Variants in NPEPPS observed in about 807,000 individuals in gnomAD.
NPEPPS encodes puromycin-sensitive aminopeptidase.
Under a neutral mutation model 115.5 loss-of-function variants are expected in NPEPPS, and 14 were observed. The ratio of observed to expected loss-of-function variants is 0.12; its 90% CI spans 0.08 to 0.19. The LOEUF (loss-of-function observed/expected upper bound fraction) is 0.19, where lower values mean the gene tolerates loss of function less well. NPEPPS is among the 10% of genes least tolerant of loss of function. The probability of loss-of-function intolerance (pLI) is 1.00; values close to 1 mark genes in which losing one functional copy is unlikely to be tolerated. For missense variants in NPEPPS, 523 were observed against 1,110.8 expected, an observed-to-expected ratio of 0.47 and a Z score of 7.52; for synonymous variants, 285 against 390.6, an observed-to-expected ratio of 0.73 and a Z score of 3.19.
chr17:47,542,180 C>T (rs1261057251), intron 1 of NPEPPS, among the ~76,000 whole-genome samples: 1 of 152,068 alleles, frequency 6.6e-6, no homozygotes, highest in Non-Finnish European at 1.5e-5. Context: ...TTTCTGAAAA[C>T]TTGAATTAGT....
At position 47,599,752 on chromosome 17, in the gene NPEPPS, CTG is replaced by C. The variant is rs1257154461; in HGVS notation, c.1600+15_1600+16del. 2.6e-6 allele frequency: 4 copies of C among 1,547,848 alleles called. No individual in the cohort carries two copies. The South Asian group carries it at 4.7e-5, about 18-fold the overall frequency. ...GGGTCATATGTTGGTAAGTAAATGG[CTG>C]TAAGTGAGATATGATTGATGAATTT... On this transcript the variant is annotated intron_variant, in intron 14 of 22. Transcript: ENST00000322157.
At chr17:47,549,110 T>C (rs1404686959) in intron 2 of NPEPPS, among the ~76,000 whole-genome samples, 1 of 151,382 alleles carries the variant, frequency 6.6e-6, no homozygotes, top group East Asian at 2.0e-4. Flanking sequence ...TTTGGGAGGC[T>C]GTGGCGGGTG....
At chr17:47,534,969 G>A (rs1363981078) in intron 1 of NPEPPS, among the ~76,000 whole-genome samples, 1 of 151,974 alleles carries the variant, frequency 6.6e-6, no homozygotes, top group Non-Finnish European at 1.5e-5. Context: ...TCTTGGCCGG[G>A]CACGGTGGCT....
At chr17:47,542,634 A>G (rs1160255973) in intron 1 of NPEPPS, among the ~76,000 whole-genome samples, 1 of 152,038 alleles carries the variant, frequency 6.6e-6, no homozygotes, top group Non-Finnish European at 1.5e-5. Context: ...GCTCCAAGAA[A>G]TGGCTACCAT....
intron 2 of NPEPPS, among the ~76,000 whole-genome samples, chr17:47,568,647 T>C (rs1464227925): frequency 5.9e-5 from 9 of 152,060 alleles, no homozygotes; most frequent in Non-Finnish European, 7.4e-5. Flanking sequence ...TGTTTTCATG[T>C]AACAACAAAT....
chr17:47,614,118 G>C (rs1650997188), intron 19 of NPEPPS, among the ~76,000 whole-genome samples: 1 of 151,920 alleles, frequency 6.6e-6, no homozygotes, highest in South Asian at 2.1e-4. Context: ...TTATAGGAGT[G>C]TGATAACCGC....
Position 47,622,215 on chromosome 17 carries a change from T to TGG in NPEPPS, c.*295_*296insGG, listed in dbSNP as rs1414872171. 3 of 448,254 alleles carry TGG rather than the reference T, an allele frequency of 6.7e-6. No individual in the cohort carries two copies. The highest frequency in any genetic ancestry group is 6.2e-5 in the African/African-American group (3 of 48,248). The allele number at this position is 448,254 out of a possible 1,614,324, so 27.8% of individuals were successfully genotyped here. A position where few individuals can be genotyped will look rare whatever the true frequency, so the allele number is the denominator to read the frequency against. ...CTGAAGCCTTGTCAGTGGTTAAAAG[T>TGG]ATTTAACACTCTACTGTTAATGACA... On this transcript the variant is annotated 3_prime_UTR_variant, in exon 23 of 23. Transcript: ENST00000322157.
intron 21 of NPEPPS, chr17:47,619,502 C>T (rs923241050): frequency 1.5e-5 from 8 of 528,534 alleles, no homozygotes; most frequent in African/African-American, 3.9e-5. Flanking sequence ...TGTGGTGAGC[C>T]GAGATGAGGT....
chr17:47,541,378 ATT>A (rs944854662), intron 1 of NPEPPS, among the ~76,000 whole-genome samples: 4 of 143,472 alleles, frequency 2.8e-5, no homozygotes, highest in Non-Finnish European at 3.1e-5. Flanking sequence ...TGTGTTTCTG[ATT>A]TTTTTTTTTT....
At chr17:47,610,597 T>G (rs933298419) in intron 17 of NPEPPS, among the ~76,000 whole-genome samples, 1 of 151,924 alleles carries the variant, frequency 6.6e-6, no homozygotes, top group East Asian at 1.9e-4. Context: ...TTGGCCAGGA[T>G]GGTCTCGAGC....
At chr17:47,553,584 A>G (rs1010717817) in intron 2 of NPEPPS, among the ~76,000 whole-genome samples, 7 of 152,186 alleles carry the variant, frequency 4.6e-5, no homozygotes, top group Non-Finnish European at 7.3e-5. Flanking sequence ...GCCTGAAACC[A>G]CAGATAGTAG....
chr17:47,547,727 T>C (rs1168011436), intron 2 of NPEPPS, among the ~76,000 whole-genome samples: 1 of 152,112 alleles, frequency 6.6e-6, no homozygotes, highest in African/African-American at 2.4e-5. Flanking sequence ...GAGACTTCTT[T>C]AATATAAAAT....
At chr17:47,548,176 A>G (rs1253636554) in intron 2 of NPEPPS, 1 of 152,178 alleles carries the variant, frequency 6.6e-6, no homozygotes, top group Non-Finnish European at 1.5e-5. Context: ...TTCTTAAACT[A>G]TTTTGTCTAT....
At chr17:47,613,543 AGGCGTGAGTCACCGCAGCC>A in intron 18 of NPEPPS, 107 bp from the exon 19 acceptor site, 1 of 734,506 alleles carries the variant, frequency 1.4e-6, no homozygotes, top group East Asian at 2.8e-5. Flanking sequence ...CAGGGATTAC[AGGCGTGAGTCACCGCAGCC>A]GGCCAACATT....
chr17:47,578,226 G>A (rs1911652857), intron 3 of NPEPPS, among the ~76,000 whole-genome samples: 1 of 148,386 alleles, frequency 6.7e-6, no homozygotes, highest in South Asian at 2.1e-4. Context: ...AAGAGAGAAA[G>A]TCACAACATT....
intron 1 of NPEPPS, among the ~76,000 whole-genome samples, chr17:47,524,908 TTTG>T (rs2143630347): frequency 6.6e-6 from 1 of 150,612 alleles, no homozygotes; most frequent in African/African-American, 2.4e-5. Flanking sequence ...CTCCCAAATC[TTTG>T]TTAACTTTTT....
chr17:47,592,735 C>A (rs185079619), intron 12 of NPEPPS, 190 bp downstream of exon 12: 2 of 527,220 alleles, frequency 3.8e-6, no homozygotes, highest in Admixed American at 7.0e-5. Flanking sequence ...GCTCCAGAAT[C>A]TGAAACTTTT....
intron 21 of NPEPPS, 175 bp downstream of exon 21, chr17:47,619,339 A>AG (rs1383375975): frequency 1.5e-6 from 1 of 657,496 alleles, no homozygotes; most frequent in Non-Finnish European, 2.7e-6. Flanking sequence ...AGATCACCTG[A>AG]GGTCGGGAGT....
At chr17:47,577,631 AAAAATAAACATCAC>A (rs1911598153) in intron 3 of NPEPPS, among the ~76,000 whole-genome samples, 1 of 152,216 alleles carries the variant, frequency 6.6e-6, no homozygotes, top group African/African-American at 2.4e-5. Flanking sequence ...TCTGATTTTT[AAAAATAAACATCAC>A]AAATGTCTTC....
Sources: allele counts gnomAD v4.1 joint callset (sites outside exome capture counted in the v4.1 genomes callset), GRCh38; gene constraint gnomAD v4.1.1; transcripts MANE v1.5; gene names NCBI Gene and HGNC (gene_info 2026-07-23, HGNC 2026-07-21).